Variants in HHAT observed in about 807,000 individuals in gnomAD.
HHAT encodes the protein protein-cysteine N-palmitoyltransferase HHAT.
HHAT carries 47 observed loss-of-function variants against 70.8 expected under a neutral mutation model. The observed-to-expected ratio is 0.66, with a 90% confidence interval of 0.53 to 0.85. The LOEUF is 0.85. Ranked by LOEUF, HHAT falls within the 40% of genes least tolerant of loss-of-function variation. HHAT has a pLI of 0.00. For missense variants in HHAT, 609 were observed against 604.8 expected, an observed-to-expected ratio of 1.01 and a Z score of -0.07; for synonymous variants, 228 against 247.6, an observed-to-expected ratio of 0.92 and a Z score of 0.74.
At chr1:210,347,652 A>C (rs892970744) in intron 1 of HHAT, among the ~76,000 whole-genome samples, 3 of 152,176 alleles carry the variant, frequency 2.0e-5, no homozygotes, top group African/African-American at 7.2e-5. Flanking sequence ...GGCTGCCATG[A>C]TGGAGAGATC....
intron 2 of HHAT, among the ~76,000 whole-genome samples, chr1:210,355,556 AC>A (rs1216728057): frequency 6.6e-6 from 1 of 152,180 alleles, no homozygotes; most frequent in East Asian, 1.9e-4. Context: ...CCTATTACAA[AC>A]CTACCGTGAC....
At chr1:210,459,221 A>G (rs1018155640) in intron 7 of HHAT, among the ~76,000 whole-genome samples, 1 of 152,174 alleles carries the variant, frequency 6.6e-6, no homozygotes, top group Non-Finnish European at 1.5e-5. Context: ...CCAAACCTAC[A>G]GAAGACTCGT....
chr1:210,609,964 C>T (rs1394915957), intron 10 of HHAT, among the ~76,000 whole-genome samples: 2 of 152,146 alleles, frequency 1.3e-5, no homozygotes, highest in Admixed American at 1.3e-4. Flanking sequence ...AATAGTGCTG[C>T]AATGAACATA....
chr1:210,575,309 G>A (rs1016951004), intron 9 of HHAT, among the ~76,000 whole-genome samples: 4 of 152,100 alleles, frequency 2.6e-5, no homozygotes, highest in African/African-American at 9.7e-5. Context: ...TAGGAGAAAG[G>A]TGGGAAGACA....
chr1:210,612,491 C>A (rs1666803655), intron 10 of HHAT, among the ~76,000 whole-genome samples: 1 of 152,090 alleles, frequency 6.6e-6, no homozygotes, highest in Non-Finnish European at 1.5e-5. Flanking sequence ...AACTTCTTGC[C>A]TTTTTAAGGC....
At chr1:210,655,700 C>G (rs901945282) in intron 11 of HHAT, among the ~76,000 whole-genome samples, 1 of 152,310 alleles carries the variant, frequency 6.6e-6, no homozygotes, top group Non-Finnish European at 1.5e-5. Flanking sequence ...TCACTTTATA[C>G]GTCAGGTAAA....
At chr1:210,623,794 C>A in intron 11 of HHAT, 124 bp downstream of exon 11, 1 of 1,001,364 alleles carries the variant, frequency 1.0e-6, no homozygotes, top group Non-Finnish European at 1.5e-6. Flanking sequence ...GGCATGTGAC[C>A]TCTAAAGTAC....
In HHAT at chr1:210,643,554, T is replaced by C. The variant is rs576896756; in HGVS notation, c.1390+19884T>C. On this transcript the variant is annotated intron_variant, in intron 11 of 11. Transcript: ENST00000261458. The stretch of plus-strand genomic sequence containing the variant: ...GAGGGTGAATCATTCCTTCCTCTTT[T>C]GTAAGGCATCATGGTAATCATGTCA... 3.3e-5 allele frequency among the ~76,000 whole-genome samples: 5 copies of C among 152,348 alleles called. No individual in the cohort carries two copies. In the South Asian group the frequency reaches 1.0e-3, roughly 32 times the overall value.
chr1:210,382,938 G>A (rs1301962474), intron 3 of HHAT, among the ~76,000 whole-genome samples: 4 of 152,116 alleles, frequency 2.6e-5, no homozygotes, highest in Admixed American at 6.5e-5. Context: ...TTTGAAACCC[G>A]GCTCTGCCCC....
Position 210,509,661 on chromosome 1 carries a change from T to C in HHAT, c.1008-3492T>C, listed in dbSNP as rs2094921239. 2.0e-5 allele frequency among the ~76,000 whole-genome samples: 3 copies of C among 152,200 alleles called. No individual in the cohort carries two copies. The South Asian group carries it at 6.2e-4, about 32-fold the overall frequency. ...GCACATGCTAAGCACTGTGTGTGTG[T>C]GTTGGCTTTTACTATTAACATCCCC... On this transcript the variant is annotated intron_variant, in intron 8 of 11. Transcript: ENST00000261458.
intron 9 of HHAT, among the ~76,000 whole-genome samples, chr1:210,562,687 AGT>A (rs2095634592): frequency 6.6e-6 from 1 of 151,052 alleles, no homozygotes; most frequent in Non-Finnish European, 1.5e-5. Context: ...TAAGTTTTAG[AGT>A]ACATGTGCAC....
intron 1 of HHAT, among the ~76,000 whole-genome samples, chr1:210,333,762 A>G (rs189634135): frequency 1.3e-5 from 2 of 152,118 alleles, no homozygotes; most frequent in African/African-American, 4.8e-5. Flanking sequence ...AGTTCAAGCA[A>G]TTCTCATGCC....
At position 210,560,239 on chromosome 1, in the gene HHAT, C is replaced by T. The variant is rs537224982; in HGVS notation, c.1044-27659C>T. Among the ~76,000 whole-genome samples, 45 of 152,244 alleles carry T rather than the reference C, an allele frequency of 3.0e-4. 1 individual carries two copies. The South Asian group carries it at 9.3e-3, about 32-fold the overall frequency. On this transcript the variant is annotated intron_variant, in intron 9 of 11. Transcript: ENST00000261458. ...TCCTTTATTTCTTTGCTTATTACTT[C>T]TTAGAATTGTGAACAAAAACAAGGA...
chr1:210,671,867 G>A (rs17016636), intron 11 of HHAT, among the ~76,000 whole-genome samples: 1,543 of 152,314 alleles, frequency 0.01, 24 homozygotes, highest in African/African-American at 0.031. Context: ...GCCAGGGGTC[G>A]TCTGCTGCCC....
intron 10 of HHAT, among the ~76,000 whole-genome samples, chr1:210,597,404 C>T (rs1322758059): frequency 6.6e-6 from 1 of 152,190 alleles, no homozygotes; most frequent in African/African-American, 2.4e-5. Flanking sequence ...GACTTGTATC[C>T]TTCCCTTCAG....
At chr1:210,577,551 T>G (rs1658114752) in intron 9 of HHAT, among the ~76,000 whole-genome samples, 1 of 152,064 alleles carries the variant, frequency 6.6e-6, no homozygotes, top group African/African-American at 2.4e-5. Context: ...GACGAACGAT[T>G]CTTTCAACGT....
chr1:210,558,814 A>T (rs924616092), intron 9 of HHAT, among the ~76,000 whole-genome samples: 1 of 152,218 alleles, frequency 6.6e-6, no homozygotes, highest in African/African-American at 2.4e-5. Context: ...GGTTGGGGTC[A>T]TGTGGCTGGG....
chr1:210,486,288 G>C (rs2094471652), intron 8 of HHAT, among the ~76,000 whole-genome samples: 1 of 152,168 alleles, frequency 6.6e-6, no homozygotes, highest in Admixed American at 6.5e-5. Flanking sequence ...AAATGAATTT[G>C]TGTAACAGCC....
chr1:210,624,114 C>T (rs1374018088), intron 11 of HHAT, among the ~76,000 whole-genome samples: 1 of 152,014 alleles, frequency 6.6e-6, no homozygotes, highest in Non-Finnish European at 1.5e-5. Context: ...AATGGATTAA[C>T]CCATTCATGG....
Sources: allele counts gnomAD v4.1 joint callset (sites outside exome capture counted in the v4.1 genomes callset), GRCh38; gene constraint gnomAD v4.1.1; transcripts MANE v1.5; gene names NCBI Gene and HGNC (gene_info 2026-07-23, HGNC 2026-07-21).